The following HSDL1 variants were observed in gnomAD, a reference collection of about 807,000 sequenced individuals.
The protein encoded by HSDL1 is inactive hydroxysteroid dehydrogenase-like protein 1.
A neutral mutation model predicts 31.5 loss-of-function variants in HSDL1; 29 were observed. The ratio of observed to expected loss-of-function variants is 0.92; its 90% confidence interval spans 0.69 to 1.26. The LOEUF (loss-of-function observed/expected upper bound fraction) is 1.26. Ranked by LOEUF, HSDL1 falls within the 50% of genes most tolerant of loss-of-function variation. The pLI is 0.00. For missense variants in HSDL1, 503 were observed against 416.6 expected (o/e 1.21, Z -1.81); for synonymous variants, 222 against 155.2 (o/e 1.43, Z -3.20).
chr16:84,143,394 C>A (rs2086788551), intron 1 of HSDL1, among the ~76,000 whole-genome samples: 1 of 152,096 alleles, frequency 6.6e-6, no homozygotes, highest in Non-Finnish European at 1.5e-5. Context: ...AAATGTCCAG[C>A]ATAAGCAAAT....
chr16:84,135,341 CCTATAGAGTAAGGCTCTCG>C (rs1458221711), intron 2 of HSDL1, among the ~76,000 whole-genome samples, 184 bp downstream of exon 2: 1 of 151,964 alleles, frequency 6.6e-6, no homozygotes, highest in Non-Finnish European at 1.5e-5. Context: ...TTGCTCCAAG[CCTATAGAGTAAGGCTCTCG>C]CTACAAAAAG....
Position 84,122,725 on chromosome 16 carries a change from A to C in HSDL1, c.*1905T>G, listed in dbSNP as rs2086566387. The C allele has an allele frequency of 6.6e-6, 1 of 152,186 alleles. No homozygotes were observed. The highest frequency in any genetic ancestry group is 1.5e-5 in the Non-Finnish European group (1 of 68,042). The allele number at this position is 152,186 out of a possible 1,614,324, so 9.4% of individuals were successfully genotyped here. A position where few individuals can be genotyped will look rare whatever the true frequency, so the allele number is the denominator to read the frequency against. ...ACTTTCAAATTAGCTCTGGGGAAAA[A>C]AATACATTTAATGAAAGCTAGAAAA... On this transcript the variant is annotated 3_prime_UTR_variant, in exon 6 of 6. Transcript: ENST00000219439.
chr16:84,129,927 A>G, intron 4 of HSDL1, 59 bp downstream of exon 4: 2 of 1,542,354 alleles, frequency 1.3e-6, no homozygotes, highest in South Asian at 2.4e-5. Context: ...CAGACCAAAC[A>G]ACTGTTAATA....
rs764961432 is a variant in HSDL1, at chr16:84,122,349, A to T, written c.*2281T>A. 1 of 151,250 alleles carries T rather than the reference A, an allele frequency of 6.6e-6. No homozygotes were observed. Among genetic ancestry groups the T allele is most frequent in the Non-Finnish European group, 1.5e-5 (1 of 67,924 alleles). The allele number at this position is 151,250 out of a possible 1,614,324, so 9.4% of individuals were successfully genotyped here. A position where few individuals can be genotyped will look rare whatever the true frequency, so the allele number is the denominator to read the frequency against. ...TTCACAGATTAACTTTCAAAGGTTC[A>T]TATTTCCCACGTTCTTTTTTTTTTT... On this transcript the variant is annotated 3_prime_UTR_variant, in exon 6 of 6. Transcript: ENST00000219439.
chr16:84,129,208 C>T (rs1347701575), intron 5 of HSDL1, among the ~76,000 whole-genome samples: 7 of 151,950 alleles, frequency 4.6e-5, no homozygotes, highest in African/African-American at 1.2e-4. Context: ...GGTGAAACCC[C>T]GTCTCTACTA....
chr16:84,130,835 A>C lies in HSDL1; in HGVS notation c.220+267T>G, dbSNP rs1192518157. On this transcript the variant is annotated intron_variant, in intron 3 of 5. Coordinates refer to ENST00000219439, the MANE Select transcript of HSDL1 (RefSeq NM_031463.5). ...CAAGACAATTTTAAAACAGAGAACA[A>C]AAAGGAAAAGCACATAGTAGGAAGT... The C allele has an allele frequency of 3.7e-5, 16 of 426,952 alleles. No homozygotes were observed. In the East Asian group the frequency reaches 6.1e-4, roughly 16 times the overall value. The allele number at this position is 426,952 out of a possible 1,614,324, so 26.4% of individuals were successfully genotyped here.
chr16:84,128,216 G>C (rs1010233159), intron 5 of HSDL1, among the ~76,000 whole-genome samples: 21 of 151,726 alleles, frequency 1.4e-4, no homozygotes, highest in African/African-American at 4.8e-4. Context: ...TTGAACCCGA[G>C]AGGTGGAGGT....
chr16:84,140,860 T>C (rs2086760304), intron 1 of HSDL1, among the ~76,000 whole-genome samples: 1 of 151,952 alleles, frequency 6.6e-6, no homozygotes, highest in African/African-American at 2.4e-5. Context: ...TCCCAGCACT[T>C]TGGGAGGCCG....
At chr16:84,138,647 A>T (rs1368829469) in intron 1 of HSDL1, among the ~76,000 whole-genome samples, 3 of 152,350 alleles carry the variant, frequency 2.0e-5, no homozygotes, top group East Asian at 1.9e-4. Context: ...ATTTAAAAAA[A>T]TTTTTAAGCT....
At chr16:84,143,806 G>A (rs953173243) in intron 1 of HSDL1, among the ~76,000 whole-genome samples, 3 of 148,074 alleles carry the variant, frequency 2.0e-5, no homozygotes, top group Non-Finnish European at 3.0e-5. Flanking sequence ...AGGCTACCCT[G>A]ACCAACACAG....
In HSDL1 at chr16:84,130,263, C is replaced by T. The variant is rs146729333; in HGVS notation, c.389G>A (p.Arg130His). 11 of 1,613,946 alleles carry T rather than the reference C, an allele frequency of 6.8e-6. No homozygotes were observed. Among genetic ancestry groups the T allele is most frequent in the East Asian group, 2.2e-5 (1 of 44,898 alleles). Residue 130 changes from arginine to histidine, a missense_variant, in exon 4 of 6, where the codon CGT (arginine) becomes CAT (histidine). Physicochemically the swap from Arg to His is conservative, Grantham distance 29. Transcript: ENST00000219439. ...DIIVADFSSG[R>H]EIYLPIREAL... Reference sequence around the variant, plus strand: ...TTCTCGAATTGGAAGGTAGATCTCACGACCGCTGCTGAAGTCCGCAACTAT... The same window carrying T: ...TTCTCGAATTGGAAGGTAGATCTCATGACCGCTGCTGAAGTCCGCAACTAT...
In HSDL1 at chr16:84,122,147, T is replaced by TA. The variant is rs2086560458; in HGVS notation, c.*2482dup. The TA allele has an allele frequency of 6.6e-6, 1 of 152,608 alleles. No individual in the cohort carries two copies. The highest frequency in any genetic ancestry group is 2.4e-5 in the African/African-American group (1 of 41,436). 9.5% of individuals were successfully genotyped at this position (152,608 alleles called of 1,614,324 possible). ...GGCACATAGTTATAAACAATTTTGT[T>TA]ACTGACGTGTCAGCTTTTAATCAGT... is the stretch of plus-strand genomic sequence containing the variant. On this transcript the variant is annotated 3_prime_UTR_variant, in exon 6 of 6. Coordinates refer to ENST00000219439, the MANE Select transcript of HSDL1 (RefSeq NM_031463.5).
chr16:84,125,365 A>C (rs532354077), intron 5 of HSDL1, among the ~76,000 whole-genome samples: 81 of 151,390 alleles, frequency 5.4e-4, no homozygotes, highest in African/African-American at 1.9e-3. Flanking sequence ...CCCACCAATC[A>C]ATCACAATAC....
intron 5 of HSDL1, among the ~76,000 whole-genome samples, chr16:84,126,197 G>T (rs2086605291): frequency 6.6e-6 from 1 of 152,138 alleles, no homozygotes; most frequent in East Asian, 1.9e-4. Flanking sequence ...GAGAAAACTG[G>T]GGCTTGAGGG....
At position 84,131,131 on chromosome 16, in the gene HSDL1, T is replaced by G. The variant is rs776607024; in HGVS notation, c.191A>C (p.Lys64Thr). 2 of 1,613,918 alleles carry G rather than the reference T, an allele frequency of 1.2e-6. No homozygotes were observed. Among genetic ancestry groups the G allele is most frequent in the Non-Finnish European group, 8.5e-7 (1 of 1,179,878 alleles). Reference sequence around the variant, plus strand: ...GACAACGGCCCATCTTCCATACTGCTTGATCAAGTCTGCTCTGCTCCCCAG... The same window carrying G: ...GACAACGGCCCATCTTCCATACTGCGTGATCAAGTCTGCTCTGCTCCCCAG... ...PRLGSRADLI[K>T]QYGRWAVVSG... Residue 64 changes from lysine (K) to threonine (T), a missense_variant, in exon 3 of 6, where the codon AAG becomes ACG. Coordinates refer to ENST00000219439, the MANE Select transcript of HSDL1 (RefSeq NM_031463.5).
At chr16:84,126,080 G>A (rs1409240350) in intron 5 of HSDL1, among the ~76,000 whole-genome samples, 2 of 147,906 alleles carry the variant, frequency 1.4e-5, no homozygotes, top group Non-Finnish European at 3.0e-5. Flanking sequence ...TCCAGCCTGG[G>A]CAACAGAGCA....
At position 84,131,280 on chromosome 16, in the gene HSDL1, G is replaced by C; in HGVS notation, c.42C>G (p.Ile14Met). ...CCATATAGCAATTGCAAGACCTGGC[G>C]ATTTCCCTGTACAAGAGGTAGAAAC... The part of the protein sequence containing the change: ...VDSFYLLYRE[I>M]ARSCNCYMEA... The change falls in exon 3 of 6, where the codon ATC becomes ATG. Residue 14 changes from isoleucine to methionine, a missense_variant. By Grantham distance (10) the Ile-to-Met change is conservative. Transcript: ENST00000219439. The C allele has an allele frequency of 1.2e-6, 2 of 1,614,092 alleles. No individual in the cohort carries two copies. The highest frequency in any genetic ancestry group is 1.7e-4 in the Middle Eastern group (1 of 6,042).
Position 84,124,507 on chromosome 16 carries a change from G to T in HSDL1, c.*123C>A, listed in dbSNP as rs1181041801. On this transcript the variant is annotated 3_prime_UTR_variant, in exon 6 of 6. Transcript: ENST00000219439. ...GTATTATGTGTGTTTTGCAAATGAC[G>T]AATCAACAGTATGCTGAATAATCAG... is the stretch of plus-strand genomic sequence containing the variant. The T allele has an allele frequency of 3.0e-6, 2 of 674,368 alleles. No individual in the cohort carries two copies. Among genetic ancestry groups the T allele is most frequent in the Non-Finnish European group, 5.4e-6 (2 of 371,364 alleles). 41.8% of individuals were successfully genotyped at this position (674,368 alleles called of 1,614,324 possible). A position where few individuals can be genotyped will look rare whatever the true frequency, so the allele number is the denominator to read the frequency against.
rs1360788432 is a variant in HSDL1, at chr16:84,123,811, C to T, written c.*819G>A. ...AATTGCCTTATAAATCAAAAGATGACTGCAGGTTTCTCTTACATATCCAAA... is the reference window on the plus strand; with the variant it reads ...AATTGCCTTATAAATCAAAAGATGATTGCAGGTTTCTCTTACATATCCAAA... On this transcript the variant is annotated 3_prime_UTR_variant, in exon 6 of 6. Transcript: ENST00000219439. The T allele has an allele frequency of 6.6e-6, 1 of 152,242 alleles. No homozygotes were observed. The highest frequency in any genetic ancestry group is 1.5e-5 in the Non-Finnish European group (1 of 68,026). The allele number at this position is 152,242 out of a possible 1,614,324, so 9.4% of individuals were successfully genotyped here. A position where few individuals can be genotyped will look rare whatever the true frequency, so the allele number is the denominator to read the frequency against.
Sources: gnomAD v4.1 joint callset for allele counts (sites outside exome capture counted in the v4.1 genomes callset) on GRCh38, gnomAD v4.1.1 for gene constraint, MANE v1.5 for transcripts, NCBI Gene and HGNC (gene_info 2026-07-23, HGNC 2026-07-21) for gene names.